FBXW4: variants seen among roughly 807,000 people sequenced by gnomAD.
FBXW4 encodes F-box/WD repeat-containing protein 4.
Under a neutral mutation model 61.8 loss-of-function variants are expected in FBXW4, and 40 were observed. The observed-to-expected ratio is 0.65, with a 90% CI of 0.50 to 0.84. FBXW4 has a LOEUF of 0.84. Among genes scored for constraint, FBXW4 ranks in the 40% least tolerant of loss-of-function variants. The pLI, the probability that FBXW4 is intolerant of heterozygous loss-of-function variation, is 0.00. For synonymous variants in FBXW4, 311 were observed against 313.8 expected (o/e 0.99, Z 0.10); for missense variants, 672 against 753.8 (o/e 0.89, Z 1.27).
chr10:101,613,624 G>A (rs954689256), intron 6 of FBXW4, among the ~76,000 whole-genome samples: 1 of 152,212 alleles, frequency 6.6e-6, no homozygotes, highest in Non-Finnish European at 1.5e-5. Flanking sequence ...ATGTCTGAAT[G>A]CAGATGTCAG....
At chr10:101,666,320 G>A (rs2064300014) in intron 5 of FBXW4, among the ~76,000 whole-genome samples, 1 of 152,092 alleles carries the variant, frequency 6.6e-6, no homozygotes, top group Non-Finnish European at 1.5e-5. Flanking sequence ...TAAGGAATGG[G>A]GTCTCCATTC....
At chr10:101,633,791 C>T (rs1432471337) in intron 5 of FBXW4, among the ~76,000 whole-genome samples, 1 of 151,978 alleles carries the variant, frequency 6.6e-6, no homozygotes, top group Non-Finnish European at 1.5e-5. Context: ...TATATACTAG[C>T]AATAACCAAT....
At chr10:101,613,402 C>T (rs752715072) in intron 6 of FBXW4, among the ~76,000 whole-genome samples, 1 of 152,230 alleles carries the variant, frequency 6.6e-6, no homozygotes, top group Non-Finnish European at 1.5e-5. Flanking sequence ...GGAAAAGGGG[C>T]GCCCTCCAGG....
At chr10:101,623,004 C>T (rs902343657) in intron 6 of FBXW4, 6 of 152,054 alleles carry the variant, frequency 3.9e-5, no homozygotes, top group African/African-American at 1.2e-4. Context: ...ACAGACGTTT[C>T]GCCAAAGAGA....
chr10:101,623,417 G>C (rs1300796586), intron 6 of FBXW4, among the ~76,000 whole-genome samples: 1 of 150,628 alleles, frequency 6.6e-6, no homozygotes, highest in Non-Finnish European at 1.5e-5. Context: ...TTTTAAAAAA[G>C]AAAAAAAAAT....
chr10:101,665,839 T>G (rs1275837032), intron 5 of FBXW4, among the ~76,000 whole-genome samples: 1 of 152,150 alleles, frequency 6.6e-6, no homozygotes, highest in Non-Finnish European at 1.5e-5. Context: ...AGAGAAATGT[T>G]GGGTAGGGAT....
At chr10:101,622,718 A>G (rs1293941465) in intron 6 of FBXW4, 2 of 129,598 alleles carry the variant, frequency 1.5e-5, no homozygotes, top group African/African-American at 5.8e-5. Context: ...ACATAGTGAG[A>G]CTTCATCTCA....
At chr10:101,617,594 C>T (rs1188323799) in intron 6 of FBXW4, among the ~76,000 whole-genome samples, 1 of 152,232 alleles carries the variant, frequency 6.6e-6, no homozygotes, top group South Asian at 2.1e-4. Context: ...ACACCCCCAG[C>T]ACCCACCCAC....
At chr10:101,661,511 C>T (rs2064244709) in intron 5 of FBXW4, among the ~76,000 whole-genome samples, 1 of 152,170 alleles carries the variant, frequency 6.6e-6, no homozygotes, top group Non-Finnish European at 1.5e-5. Context: ...ATGACATCCC[C>T]ACACTGATCC....
chr10:101,622,465 C>T (rs754232676), intron 6 of FBXW4, among the ~76,000 whole-genome samples: 43 of 152,264 alleles, frequency 2.8e-4, no homozygotes, highest in Admixed American at 6.5e-4. Flanking sequence ...CGGTGGCTCA[C>T]GCCTGTAATC....
In FBXW4 at chr10:101,611,538, G is replaced by C; in HGVS notation, c.1584+90C>G. On this transcript the variant is annotated intron_variant, in intron 8 of 8. Coordinates refer to ENST00000331272, the MANE Select transcript of FBXW4 (RefSeq NM_022039.4). The surrounding 1 kb of genome is among the most constrained non-coding windows in gnomAD (Gnocchi z 4.9). ...TGTAGGCTTCTTCCAACCCTTTCTA[G>C]GCACGTCCTTGGCTACCTCACCCTC... The C allele has an allele frequency of 6.3e-7, 1 of 1,578,296 alleles. No homozygotes were observed. The highest frequency in any genetic ancestry group is 8.6e-7 in the Non-Finnish European group (1 of 1,158,532).
chr10:101,668,559 T>C (rs1016296003), intron 4 of FBXW4, among the ~76,000 whole-genome samples: 1 of 152,220 alleles, frequency 6.6e-6, no homozygotes, highest in African/African-American at 2.4e-5. Context: ...ACTATTCACG[T>C]CAGCAGGGAA....
At chr10:101,648,326 C>A (rs2064117984) in intron 5 of FBXW4, among the ~76,000 whole-genome samples, 1 of 152,154 alleles carries the variant, frequency 6.6e-6, no homozygotes, top group African/African-American at 2.4e-5. Flanking sequence ...AGATTTTCTA[C>A]CCCCTGCTCT....
chr10:101,660,343 T>A, intron 5 of FBXW4: 1 of 140,962 alleles, frequency 7.1e-6, no homozygotes, highest in Non-Finnish European at 1.5e-5. Flanking sequence ...GGGGGGTGGG[T>A]GCTGCATGTG....
At chr10:101,633,323 C>CGG (rs2063974096) in intron 5 of FBXW4, among the ~76,000 whole-genome samples, 1 of 152,128 alleles carries the variant, frequency 6.6e-6, no homozygotes, top group Non-Finnish European at 1.5e-5. Flanking sequence ...AAGCTGGAAA[C>CGG]CATCATTCTC....
At chr10:101,685,135 C>T in intron 1 of FBXW4, among the ~76,000 whole-genome samples, 1 of 152,234 alleles carries the variant, frequency 6.6e-6, no homozygotes, top group Non-Finnish European at 1.5e-5. Context: ...CTGACTGCTA[C>T]TTCTGGGGAC....
chr10:101,612,573 T>G, intron 6 of FBXW4, 96 bp from the exon 7 acceptor site: 14 of 1,299,114 alleles, frequency 1.1e-5, no homozygotes, highest in African/African-American at 3.0e-5. Flanking sequence ...AAATGTTCTC[T>G]TTCCTCAGCT....
At chr10:101,665,024 C>T (rs1344811199) in intron 5 of FBXW4, among the ~76,000 whole-genome samples, 1 of 152,148 alleles carries the variant, frequency 6.6e-6, no homozygotes. Flanking sequence ...AAACAGAACT[C>T]ATCTCCCAGA....
chr10:101,684,484 G>C (rs966806380), intron 1 of FBXW4, among the ~76,000 whole-genome samples: 18 of 152,096 alleles, frequency 1.2e-4, no homozygotes, highest in Non-Finnish European at 2.5e-4. Context: ...TGGCCAGGCT[G>C]GTCTTGAACT....
Sources: allele counts gnomAD v4.1 joint callset (sites outside exome capture counted in the v4.1 genomes callset), GRCh38; gene constraint gnomAD v4.1.1; non-coding constraint Gnocchi (gnomAD v3.1); transcripts MANE v1.5; gene names NCBI Gene and HGNC (gene_info 2026-07-23, HGNC 2026-07-21).